CHD1L: variants seen among roughly 807,000 people sequenced by gnomAD.
CHD1L encodes the protein ATP-dependent chromatin remodeler CHD1L.
In CHD1L, 118 loss-of-function variants were observed where a neutral mutation model predicts 115.9. The observed-to-expected ratio is 1.02, with a 90% CI of 0.88 to 1.19. The LOEUF is 1.19. Ranked by LOEUF, CHD1L falls within the 50% of genes most tolerant of loss-of-function variation. The probability of loss-of-function intolerance (pLI) is 0.00; values close to 1 mark genes in which losing one functional copy is unlikely to be tolerated. For synonymous variants in CHD1L, 411 were observed against 387.1 expected, an observed-to-expected ratio of 1.06 and a Z score of -0.72; for missense variants, 1,179 against 1,065.3, an observed-to-expected ratio of 1.11 and a Z score of -1.49.
intron 14 of CHD1L, among the ~76,000 whole-genome samples, chr1:147,279,034 A>G (rs1453037421): frequency 6.6e-6 from 1 of 152,194 alleles, no homozygotes; most frequent in African/African-American, 2.4e-5. Context: ...CTTATCATAA[A>G]TAGTTGGCTT....
the CHD1L span, among the ~76,000 whole-genome samples, chr1:147,193,859 G>T: frequency 4.6e-5 from 7 of 152,144 alleles, no homozygotes; most frequent in Non-Finnish European, 8.8e-5. Flanking sequence ...TCATTGCACT[G>T]TGGTCTGAGA....
chr1:147,280,015 C>G lies in CHD1L; in HGVS notation c.1540-11C>G, dbSNP rs371773603. 9.4e-5 allele frequency: 151 copies of G among 1,613,216 alleles called. 2 individuals are homozygous for G. In the South Asian group the frequency reaches 1.3e-3, roughly 14 times the overall value. On this transcript the variant is annotated splice_polypyrimidine_tract_variant and intron_variant, in intron 14 of 22. Coordinates refer to ENST00000369258, the MANE Select transcript of CHD1L (RefSeq NM_004284.6). ...AGAATTTGCTGGACTTTTTTGTTTCCTCTATTCAAGTTGAGTGAGATACTC... is the reference window on the plus strand; with the variant it reads ...AGAATTTGCTGGACTTTTTTGTTTCGTCTATTCAAGTTGAGTGAGATACTC...
intron 20 of CHD1L, among the ~76,000 whole-genome samples, chr1:147,293,308 CTCTT>C (rs1449278426): frequency 5.3e-5 from 5 of 94,950 alleles, no homozygotes; most frequent in Non-Finnish European, 1.2e-4. Flanking sequence ...CAGAAAAATT[CTCTT>C]TTTTTTTTTA....
intron 22 of CHD1L, among the ~76,000 whole-genome samples, chr1:147,295,062 A>G (rs1209039861): frequency 6.6e-6 from 1 of 152,214 alleles, no homozygotes; most frequent in African/African-American, 2.4e-5. Context: ...GAACTATTAT[A>G]TTGAGTCCCA....
At chr1:147,275,193 G>C (rs587594900) in intron 12 of CHD1L, among the ~76,000 whole-genome samples, 161 bp from the exon 13 acceptor site, 1 of 152,280 alleles carries the variant, frequency 6.6e-6, no homozygotes, top group African/African-American at 2.4e-5. Flanking sequence ...CTCACCGCTG[G>C]AACAAGGCTT....
the CHD1L span, among the ~76,000 whole-genome samples, chr1:147,180,826 T>C: frequency 6.6e-6 from 1 of 152,150 alleles, no homozygotes; most frequent in Non-Finnish European, 1.5e-5. Context: ...TTACCATACA[T>C]CAAAATTATC....
the CHD1L span, chr1:147,224,819 C>T: frequency 6.8e-7 from 1 of 1,464,934 alleles, no homozygotes; most frequent in Middle Eastern, 1.8e-4. Context: ...CCACCTGACA[C>T]TGTTAAGATA....
chr1:147,213,719 A>G, the CHD1L span, among the ~76,000 whole-genome samples: 4 of 152,200 alleles, frequency 2.6e-5, no homozygotes, highest in Admixed American at 6.5e-5. Flanking sequence ...AGTGCAAGTC[A>G]CCAGGTCTCT....
chr1:147,215,581 T>C, the CHD1L span: 1 of 549,836 alleles, frequency 1.8e-6, no homozygotes. Context: ...AGACTGTCCC[T>C]TGAATATTTT....
chr1:147,180,971 C>T, the CHD1L span, among the ~76,000 whole-genome samples: 3 of 152,152 alleles, frequency 2.0e-5, no homozygotes, highest in East Asian at 1.9e-4. Flanking sequence ...TTGAGAAACG[C>T]GGCCTAGACA....
the CHD1L span, among the ~76,000 whole-genome samples, chr1:147,212,873 C>A: frequency 1.1e-4 from 16 of 152,096 alleles, no homozygotes; most frequent in Non-Finnish European, 1.6e-4. Flanking sequence ...TCACTTACAG[C>A]ACATATATTC....
chr1:147,274,869 C>A (rs1677716413), intron 12 of CHD1L, among the ~76,000 whole-genome samples: 1 of 152,130 alleles, frequency 6.6e-6, no homozygotes, highest in Non-Finnish European at 1.5e-5. Context: ...ATAATATCAT[C>A]CACTCTTCTC....
intron 15 of CHD1L, 109 bp from the exon 16 acceptor site, chr1:147,284,242 A>G (rs748560549): frequency 5.0e-5 from 43 of 866,806 alleles, no homozygotes; most frequent in Non-Finnish European, 6.8e-5. Context: ...GACTTAGCCC[A>G]TTTAGAATAT....
intron 22 of CHD1L, 112 bp downstream of exon 22, chr1:147,294,629 T>A: frequency 1.4e-6 from 1 of 725,052 alleles, no homozygotes; most frequent in Non-Finnish European, 2.2e-6. Context: ...CCACAGTCTT[T>A]ACTTTCCCCC....
At chr1:147,219,892 G>A in the CHD1L span, among the ~76,000 whole-genome samples, 1 of 144,786 alleles carries the variant, frequency 6.9e-6, no homozygotes, top group Non-Finnish European at 1.5e-5. Flanking sequence ...AGGCTAGAGT[G>A]CAGTGGCACA....
the CHD1L span, chr1:147,216,072 T>C: frequency 3.1e-6 from 2 of 637,692 alleles, no homozygotes; most frequent in Non-Finnish European, 5.4e-6. Flanking sequence ...CCAGTATTTG[T>C]GCCCTTATGT....
At chr1:147,258,075 G>A (rs1460882853) in intron 5 of CHD1L, among the ~76,000 whole-genome samples, 2 of 152,144 alleles carry the variant, frequency 1.3e-5, no homozygotes, top group Non-Finnish European at 2.9e-5. Context: ...TACATTCTGA[G>A]AATAGCAGGG....
intron 1 of CHD1L, among the ~76,000 whole-genome samples, chr1:147,248,229 C>T (rs1364544274): frequency 2.0e-5 from 3 of 148,216 alleles, no homozygotes; most frequent in South Asian, 4.2e-4. Context: ...TTCTTTGAGA[C>T]GGAGTTTCGC....
intron 6 of CHD1L, among the ~76,000 whole-genome samples, chr1:147,264,066 A>G (rs1553946102): frequency 2.0e-5 from 3 of 152,206 alleles, no homozygotes; most frequent in African/African-American, 7.2e-5. Flanking sequence ...ATACCTCAGT[A>G]GACTCCCCGA....
Sources: allele counts gnomAD v4.1 joint callset (sites outside exome capture counted in the v4.1 genomes callset), GRCh38; gene constraint gnomAD v4.1.1; transcripts MANE v1.5; gene names NCBI Gene and HGNC (gene_info 2026-07-23, HGNC 2026-07-21).